The following OIT3 variants were observed in gnomAD, a reference collection of about 807,000 sequenced individuals.
The protein encoded by OIT3 is oncoprotein-induced transcript 3 protein.
Under a neutral mutation model 52.2 loss-of-function variants are expected in OIT3, and 41 were observed. The ratio of observed to expected loss-of-function variants is 0.79; its 90% confidence interval spans 0.61 to 1.02. The LOEUF is 1.02. Ranked by LOEUF, OIT3 falls within the 50% of genes least tolerant of loss-of-function variation. OIT3 has a pLI of 0.00. For synonymous variants in OIT3, 244 were observed against 276.9 expected (o/e 0.88, Z 1.18); for missense variants, 634 against 715.5 (o/e 0.89, Z 1.30).
chr10:72,923,826 G>A (rs1846142299), intron 6 of OIT3, among the ~76,000 whole-genome samples: 1 of 152,190 alleles, frequency 6.6e-6, no homozygotes, highest in Non-Finnish European at 1.5e-5. Flanking sequence ...CCCACAGGCT[G>A]GAATGGCTGA....
intron 8 of OIT3, 61 bp from the exon 9 acceptor site, chr10:72,932,293 T>A (rs1846222993): frequency 1.4e-6 from 2 of 1,450,810 alleles, no homozygotes; most frequent in Non-Finnish European, 1.9e-6. Context: ...TTGTGTCTTG[T>A]AAGTGCCCCA....
intron 4 of OIT3, among the ~76,000 whole-genome samples, chr10:72,909,004 C>T (rs1165638842): frequency 6.7e-6 from 1 of 148,762 alleles, no homozygotes; most frequent in Non-Finnish European, 1.5e-5. Context: ...TTGCTTAATG[C>T]TGGGTTTGGG....
Position 72,932,785 on chromosome 10 carries a change from T to G in OIT3, c.*261T>G. ...CCACCCAGAAAGACACTCACCCCAT[T>G]TCCCTCATTTCTTTCCTACACTTAA... On this transcript the variant is annotated 3_prime_UTR_variant, in exon 9 of 9. Transcript: ENST00000334011. 1 of 374,158 alleles carries G rather than the reference T, an allele frequency of 2.7e-6. No individual in the cohort carries two copies. The highest frequency in any genetic ancestry group is 4.3e-5 in the East Asian group (1 of 23,360). 23.2% of individuals were successfully genotyped at this position (374,158 alleles called of 1,614,324 possible).
chr10:72,910,953 T>C (rs776427033), intron 4 of OIT3, among the ~76,000 whole-genome samples: 5 of 152,298 alleles, frequency 3.3e-5, no homozygotes, highest in Non-Finnish European at 7.4e-5. Context: ...ACCTCTGACC[T>C]AGAAGATAAT....
In OIT3 at chr10:72,893,839, G is replaced by T. The variant is rs1182354921; in HGVS notation, c.41G>T (p.Gly14Val). 2 of 1,609,534 alleles carry T rather than the reference G, an allele frequency of 1.2e-6. No homozygotes were observed. The highest frequency in any genetic ancestry group is 1.7e-6 in the Non-Finnish European group (2 of 1,178,072). ...CTTCTCACCTGCCTCTTCATCACAGGCACCTCCGTGTCACCCGTGGGTGAG... is the reference window on the plus strand; with the variant it reads ...CTTCTCACCTGCCTCTTCATCACAGTCACCTCCGTGTCACCCGTGGGTGAG... ...FLLLTCLFITGTSVSPVALDP... is the reference protein window; with the variant it reads ...FLLLTCLFITVTSVSPVALDP... Residue 14 changes from glycine (G) to valine (V), a missense_variant, in exon 1 of 9, where the codon GGC becomes GTC. Transcript: ENST00000334011.
At chr10:72,906,838 A>T in intron 4 of OIT3, 120 bp downstream of exon 4, 8 of 951,532 alleles carry the variant, frequency 8.4e-6, no homozygotes, top group Non-Finnish European at 1.2e-5. Flanking sequence ...TGTGCAAAGA[A>T]ATGACAAAAG....
At chr10:72,926,700 C>T (rs936367770) in intron 7 of OIT3, among the ~76,000 whole-genome samples, 9 of 152,156 alleles carry the variant, frequency 5.9e-5, no homozygotes, top group African/African-American at 1.7e-4. Flanking sequence ...CAAAGGGCAT[C>T]TGCAGATATG....
chr10:72,914,094 T>G (rs1846053537), intron 6 of OIT3, among the ~76,000 whole-genome samples: 1 of 152,154 alleles, frequency 6.6e-6, no homozygotes, highest in Admixed American at 6.6e-5. Flanking sequence ...TGGAAGTGTG[T>G]GTGTGGTTTA....
intron 4 of OIT3, 74 bp from the exon 5 acceptor site, chr10:72,911,643 C>A (rs1589524722): frequency 1.3e-6 from 2 of 1,527,340 alleles, no homozygotes; most frequent in South Asian, 1.3e-5. Flanking sequence ...AGTATAATCC[C>A]TGATGCAAAG....
At chr10:72,897,010 C>G (rs1341634255) in intron 1 of OIT3, among the ~76,000 whole-genome samples, 1 of 151,982 alleles carries the variant, frequency 6.6e-6, no homozygotes, top group Non-Finnish European at 1.5e-5. Flanking sequence ...TGTTGTTTTT[C>G]TATTTATTTA....
chr10:72,909,210 G>T (rs1045119550), intron 4 of OIT3, among the ~76,000 whole-genome samples: 4 of 147,616 alleles, frequency 2.7e-5, no homozygotes, highest in Admixed American at 2.1e-4. Context: ...GCTTCCACCT[G>T]CCTGGGCTAA....
At chr10:72,899,456 G>A (rs564855041) in intron 2 of OIT3, among the ~76,000 whole-genome samples, 4 of 152,104 alleles carry the variant, frequency 2.6e-5, no homozygotes, top group South Asian at 2.1e-4. Context: ...TTAGACAGGC[G>A]TGGTGGCAGG....
rs1350366824 is a variant in OIT3 at position 72,911,834 on chromosome 10, G to T, written c.785G>T (p.Cys262Phe). The change falls in exon 5 of 9, where the codon TGC (cysteine) becomes TTC (phenylalanine). Residue 262 changes from cysteine (C) to phenylalanine (F), a missense_variant. Coordinates refer to ENST00000334011, the MANE Select transcript of OIT3 (RefSeq NM_152635.3). ...GTGCTGTCTGAGGATAACCACACTT[G>T]CCAAGGTAGTACATGGGGCAGGGGG... ...GLVLSEDNHT[C>F]QVPVLCKSNA... 2 of 1,613,064 alleles carry T rather than the reference G, an allele frequency of 1.2e-6. No homozygotes were observed. The highest frequency in any genetic ancestry group is 3.3e-5 in the Admixed American group (2 of 59,884).
At position 72,932,483 on chromosome 10, in the gene OIT3, A is replaced by G; in HGVS notation, c.1597A>G (p.Thr533Ala). ...GGACTCAGCCGGTCTACAGGGCCAG[A>G]CGCTAACAGGCGGCCCGATCCGCAT... Reference protein sequence around the residue: ...GEDSAGLQGQTLTGGPIRIDW... With the variant: ...GEDSAGLQGQALTGGPIRIDW... The change falls in exon 9 of 9, where the codon ACG becomes GCG. Residue 533 changes from threonine (T) to alanine (A), a missense_variant. Transcript: ENST00000334011. The G allele has an allele frequency of 1.2e-6, 2 of 1,613,400 alleles. No individual in the cohort carries two copies.
In OIT3 at chr10:72,898,680, T is replaced by G; in HGVS notation, c.78T>G (p.Ser26=). ...CATTTCCAGCCCTAGATCCTTGTTC[T>G]GCTTACATCAGCCTGAATGAGCCCT... ...SVSPVALDPC[S]AYISLNEPWR... Residue 26 remains serine (S), a synonymous_variant, in exon 2 of 9, where the codon TCT becomes TCG. Transcript: ENST00000334011. 6.2e-7 allele frequency: 1 copy of G among 1,610,192 alleles called. No homozygotes were observed. Among genetic ancestry groups the G allele is most frequent in the South Asian group, 1.1e-5 (1 of 91,008 alleles).
Position 72,906,665 on chromosome 10 carries a change from G to A in OIT3, c.614G>A (p.Arg205His), listed in dbSNP as rs763495337. 115 of 1,612,006 alleles carry A rather than the reference G, an allele frequency of 7.1e-5. No individual in the cohort carries two copies. In the Middle Eastern group the frequency reaches 1.6e-3, roughly 23 times the overall value. ...TGTGTGAACCTCAAAAACTCCTACC[G>A]CTGTGAGTGTGGGGTTGGCCGTGTG... ...EICVNLKNSY[R>H]CECGVGRVLR... The change falls in exon 4 of 9, where the codon CGC (arginine) becomes CAC (histidine). Residue 205 changes from arginine to histidine, a missense_variant. Coordinates refer to ENST00000334011, the MANE Select transcript of OIT3 (RefSeq NM_152635.3).
chr10:72,924,208 C>T, intron 6 of OIT3, 21 bp from the exon 7 acceptor site: 1 of 1,561,954 alleles, frequency 6.4e-7, no homozygotes, highest in African/African-American at 1.4e-5. Flanking sequence ...TCTTTCCTCT[C>T]CTCACCCTGG....
intron 1 of OIT3, among the ~76,000 whole-genome samples, chr10:72,897,435 A>G (rs1277679311): frequency 6.6e-6 from 1 of 152,230 alleles, no homozygotes; most frequent in Non-Finnish European, 1.5e-5. Flanking sequence ...TGGCTATATG[A>G]CAGCTAGGAT....
chr10:72,912,272 CTT>C (rs749814581), intron 5 of OIT3, among the ~76,000 whole-genome samples: 8 of 125,820 alleles, frequency 6.4e-5, no homozygotes, highest in Non-Finnish European at 8.2e-5. Flanking sequence ...TCTTTTTTTT[CTT>C]TTTTTTTTTT....
Sources: allele counts gnomAD v4.1 joint callset (sites outside exome capture counted in the v4.1 genomes callset), GRCh38; gene constraint gnomAD v4.1.1; transcripts MANE v1.5; gene names NCBI Gene and HGNC (gene_info 2026-07-23, HGNC 2026-07-21).